Variants in MAGI2 observed in about 807,000 individuals in gnomAD.
MAGI2 encodes the protein membrane associated guanylate kinase, WW and PDZ domain containing 2, also known as membrane-associated guanylate kinase, WW and PDZ domain-containing protein 2.
Under a neutral mutation model 133.3 loss-of-function variants are expected in MAGI2, and 35 were observed. The ratio of observed to expected loss-of-function variants is 0.26; its 90% CI spans 0.20 to 0.35. The LOEUF (loss-of-function observed/expected upper bound fraction) is 0.35, where lower values mean the gene tolerates loss of function less well. Ranked by LOEUF, MAGI2 falls within the 10% of genes least tolerant of loss-of-function variation. The pLI is 1.00. For missense variants in MAGI2, 1,636 were observed against 1,863.4 expected (o/e 0.88, Z 2.25); for synonymous variants, 729 against 710.6 (o/e 1.03, Z -0.41).
rs376515864 is a variant in MAGI2, at chr7:78,070,644, ATTTT to A, written c.3706+8299_3706+8302del. On this transcript the variant is annotated intron_variant, in intron 21 of 21. Coordinates refer to ENST00000354212, the MANE Select transcript of MAGI2 (RefSeq NM_012301.4). ...TGTGTGTGTGTGTATATATATATAT[ATTTT>A]TTTTTTTTTTTTAGACGGAGTCTCA... Among the ~76,000 whole-genome samples, 237 of 134,596 alleles carry A rather than the reference ATTTT, an allele frequency of 1.8e-3. 2 individuals carry two copies. The highest frequency in any genetic ancestry group is 0.013 in the South Asian group (54 of 4,156). 88.3% of individuals were successfully genotyped at this position (134,596 alleles called of 152,430 possible).
intron 2 of MAGI2, among the ~76,000 whole-genome samples, chr7:78,843,979 A>AAT (rs1054172527): frequency 1.4e-4 from 21 of 147,172 alleles, no homozygotes; most frequent in Admixed American, 1.1e-3. Context: ...TATAAAAAAT[A>AAT]ATATATATAT....
At chr7:78,369,128 C>T in intron 7 of MAGI2, 28 bp downstream of exon 7, 1 of 1,483,482 alleles carries the variant, frequency 6.7e-7, no homozygotes, top group Non-Finnish European at 9.2e-7. Flanking sequence ...ATATTAATAA[C>T]AAGTTAATAT....
chr7:78,151,275 G>T (rs1823845390), intron 16 of MAGI2, among the ~76,000 whole-genome samples: 1 of 152,094 alleles, frequency 6.6e-6, no homozygotes. Flanking sequence ...AAGTTGTTTA[G>T]TTGGAACTGA....
chr7:78,504,375 C>A (rs1012113781), intron 4 of MAGI2, among the ~76,000 whole-genome samples: 1 of 152,102 alleles, frequency 6.6e-6, no homozygotes, highest in Non-Finnish European at 1.5e-5. Context: ...TCATTTACCC[C>A]ACATTTAGTT....
At chr7:79,218,313 G>A (rs892526814) in intron 1 of MAGI2, among the ~76,000 whole-genome samples, 1 of 151,906 alleles carries the variant, frequency 6.6e-6, no homozygotes, top group Non-Finnish European at 1.5e-5. Flanking sequence ...GAGCACCTAG[G>A]GATTTGACAA....
At chr7:79,097,978 C>T (rs1181320057) in intron 1 of MAGI2, among the ~76,000 whole-genome samples, 1 of 152,040 alleles carries the variant, frequency 6.6e-6, no homozygotes, top group Non-Finnish European at 1.5e-5. Context: ...AAAACTTAGC[C>T]GGACATGGTG....
intron 6 of MAGI2, among the ~76,000 whole-genome samples, chr7:78,382,570 A>G (rs1408529725): frequency 6.6e-6 from 1 of 152,098 alleles, no homozygotes; most frequent in Non-Finnish European, 1.5e-5. Flanking sequence ...GTGCAAACTT[A>G]TGGCATACAC....
intron 21 of MAGI2, among the ~76,000 whole-genome samples, chr7:78,047,985 C>T (rs189913081): frequency 1.1e-4 from 16 of 152,280 alleles, no homozygotes; most frequent in African/African-American, 1.7e-4. Context: ...CTTCTGAGCA[C>T]GTGTTGGCTG....
chr7:78,159,994 T>A, intron 16 of MAGI2, 31 bp downstream of exon 16: 1 of 1,525,970 alleles, frequency 6.6e-7, no homozygotes, highest in Non-Finnish European at 8.8e-7. Flanking sequence ...CAAGACCCCT[T>A]ATTCAAATGC....
intron 2 of MAGI2, among the ~76,000 whole-genome samples, chr7:78,701,697 A>G (rs1209337255): frequency 1.3e-5 from 2 of 151,410 alleles, no homozygotes; most frequent in Non-Finnish European, 3.0e-5. Flanking sequence ...CATAAACTTT[A>G]CTTTTTTGGA....
At chr7:78,652,389 A>G (rs1811675847) in intron 2 of MAGI2, among the ~76,000 whole-genome samples, 1 of 152,210 alleles carries the variant, frequency 6.6e-6, no homozygotes. Context: ...CTACAAGGCT[A>G]CAGTAATGAA....
intron 9 of MAGI2, among the ~76,000 whole-genome samples, chr7:78,317,590 T>C (rs552282987): frequency 2.0e-5 from 3 of 152,350 alleles, no homozygotes; most frequent in Non-Finnish European, 4.4e-5. Context: ...CTCTGTATGA[T>C]GGCTCTGAAG....
chr7:78,636,080 C>G (rs1267404275), intron 2 of MAGI2, among the ~76,000 whole-genome samples: 1 of 152,028 alleles, frequency 6.6e-6, no homozygotes, highest in African/African-American at 2.4e-5. Context: ...AAAATTAAAA[C>G]CTACAATTCA....
intron 19 of MAGI2, 64 bp from the exon 20 acceptor site, chr7:78,125,901 A>G (rs1041931978): frequency 7.4e-6 from 11 of 1,492,462 alleles, no homozygotes; most frequent in Non-Finnish European, 1.0e-5. Context: ...TTCTGTGGCT[A>G]GTCTCTGTGT....
chr7:78,060,760 G>T, intron 21 of MAGI2, among the ~76,000 whole-genome samples: 1 of 152,204 alleles, frequency 6.6e-6, no homozygotes, highest in East Asian at 1.9e-4. Context: ...GCAGGTCAAT[G>T]ACAAGTGTTC....
chr7:78,863,531 C>T (rs974595375), intron 2 of MAGI2, among the ~76,000 whole-genome samples: 2 of 152,200 alleles, frequency 1.3e-5, no homozygotes, highest in African/African-American at 4.8e-5. Context: ...CAGCACCCAG[C>T]TATTCATGAG....
intron 21 of MAGI2, among the ~76,000 whole-genome samples, chr7:78,039,279 C>A (rs1182409771): frequency 6.6e-6 from 1 of 152,162 alleles, no homozygotes; most frequent in Non-Finnish European, 1.5e-5. Flanking sequence ...TCTCTCACAC[C>A]TGAATTAATC....
At chr7:78,818,349 T>C (rs974655866) in intron 2 of MAGI2, among the ~76,000 whole-genome samples, 1 of 152,178 alleles carries the variant, frequency 6.6e-6, no homozygotes, top group African/African-American at 2.4e-5. Context: ...CTATATTCTG[T>C]TTTTTATTTG....
chr7:79,188,845 A>G (rs1203469490), intron 1 of MAGI2, among the ~76,000 whole-genome samples: 1 of 151,890 alleles, frequency 6.6e-6, no homozygotes, highest in African/African-American at 2.4e-5. Context: ...AGCCATTACT[A>G]GTATTTGGTC....
Sources: allele counts gnomAD v4.1 joint callset (sites outside exome capture counted in the v4.1 genomes callset), GRCh38; gene constraint gnomAD v4.1.1; transcripts MANE v1.5; gene names NCBI Gene and HGNC (gene_info 2026-07-23, HGNC 2026-07-21).